Variants in MRTFB observed in about 807,000 individuals in gnomAD.
MRTFB encodes the protein myocardin-related transcription factor B.
A neutral mutation model predicts 104.2 loss-of-function variants in MRTFB; 29 were observed. The ratio of observed to expected loss-of-function variants is 0.28; its 90% CI spans 0.21 to 0.38. MRTFB has a LOEUF of 0.38. Among genes scored for constraint, MRTFB ranks in the 10% least tolerant of loss-of-function variants. MRTFB has a pLI of 1.00. For missense variants in MRTFB, 1,270 were observed against 1,341.6 expected, an observed-to-expected ratio of 0.95 and a Z score of 0.83; for synonymous variants, 535 against 519.5, an observed-to-expected ratio of 1.03 and a Z score of -0.41.
At chr16:14,061,573 T>TG in the MRTFB span, among the ~76,000 whole-genome samples, 1 of 149,568 alleles carries the variant, frequency 6.7e-6, no homozygotes, top group East Asian at 1.9e-4. Flanking sequence ...CATCTTTTTT[T>TG]TTTTTTTTTT....
chr16:14,198,618 GTGAT>G, intron 3 of MRTFB, among the ~76,000 whole-genome samples: 1 of 152,218 alleles, frequency 6.6e-6, no homozygotes, highest in Admixed American at 6.5e-5. Context: ...ACAGTCTACA[GTGAT>G]TATTCCAAAC....
At chr16:14,252,576 C>T (rs1256369984) in intron 15 of MRTFB, 74 bp downstream of exon 15, 2 of 1,495,414 alleles carry the variant, frequency 1.3e-6, no homozygotes, top group African/African-American at 1.4e-5. Context: ...CAGACCTATA[C>T]AGAATCCCTT....
At chr16:14,098,368 A>G (rs1201868069) in intron 2 of MRTFB, among the ~76,000 whole-genome samples, 1 of 152,170 alleles carries the variant, frequency 6.6e-6, no homozygotes, top group Non-Finnish European at 1.5e-5. Flanking sequence ...TTATTTGCCA[A>G]TAGTTGGTAA....
chr16:14,181,297 C>T (rs1021115488), intron 3 of MRTFB, among the ~76,000 whole-genome samples: 5 of 151,636 alleles, frequency 3.3e-5, no homozygotes, highest in East Asian at 3.9e-4. Context: ...ATGTTAAAAG[C>T]GAGAAAAATA....
intron 3 of MRTFB, among the ~76,000 whole-genome samples, chr16:14,156,555 C>T (rs183747677): frequency 2.0e-5 from 3 of 152,234 alleles, no homozygotes; most frequent in Admixed American, 2.0e-4. Context: ...TAGAAGATAC[C>T]GTGCTAGGGC....
the MRTFB span, among the ~76,000 whole-genome samples, chr16:14,058,211 T>A: frequency 2.0e-5 from 3 of 151,944 alleles, no homozygotes; most frequent in Admixed American, 1.3e-4. Flanking sequence ...CATAAGACAA[T>A]GAAGAACTCA....
intron 6 of MRTFB, 54 bp downstream of exon 6, chr16:14,213,674 G>A: frequency 7.8e-7 from 1 of 1,278,592 alleles, no homozygotes; most frequent in African/African-American, 1.5e-5. Context: ...AAAGAAGTGA[G>A]AATTTCCACC....
the MRTFB span, among the ~76,000 whole-genome samples, chr16:14,038,744 G>T: frequency 2.6e-5 from 4 of 152,240 alleles, no homozygotes; most frequent in South Asian, 6.2e-4. Flanking sequence ...TTGGCTGGCT[G>T]GTTCTGGTTC....
chr16:14,005,360 A>G, the MRTFB span, among the ~76,000 whole-genome samples: 4 of 152,122 alleles, frequency 2.6e-5, no homozygotes, highest in African/African-American at 9.7e-5. Context: ...ACACCGTGCA[A>G]AGGAATGTAG....
At chr16:14,258,323 G>T (rs889236313) in intron 16 of MRTFB, among the ~76,000 whole-genome samples, 162 bp downstream of exon 16, 1 of 152,158 alleles carries the variant, frequency 6.6e-6, no homozygotes, top group Non-Finnish European at 1.5e-5. Context: ...GCCATTAAAA[G>T]AACTTATGGC....
At chr16:13,998,871 C>CAA in the MRTFB span, among the ~76,000 whole-genome samples, 329 of 29,678 alleles carry the variant, frequency 0.011, 128 homozygotes, top group Non-Finnish European at 0.019. Flanking sequence ...GACTCTGTTT[C>CAA]AAAAAAAAAA....
At chr16:14,077,929 A>G (rs1274547243) in intron 1 of MRTFB, among the ~76,000 whole-genome samples, 3 of 152,186 alleles carry the variant, frequency 2.0e-5, no homozygotes, top group Non-Finnish European at 2.9e-5. Context: ...CAGCAGGACA[A>G]TTAATGTACC....
intron 8 of MRTFB, among the ~76,000 whole-genome samples, chr16:14,226,025 G>A (rs983656073): frequency 6.6e-6 from 1 of 152,158 alleles, no homozygotes; most frequent in African/African-American, 2.4e-5. Flanking sequence ...TCTTGGCCAT[G>A]CGACAGGCTA....
intron 3 of MRTFB, among the ~76,000 whole-genome samples, chr16:14,156,042 C>G (rs945329731): frequency 2.0e-5 from 3 of 152,204 alleles, no homozygotes; most frequent in Admixed American, 6.5e-5. Flanking sequence ...CCTCCTCTTA[C>G]CCACAGTCTA....
the MRTFB span, among the ~76,000 whole-genome samples, chr16:14,011,768 AG>A: frequency 6.6e-6 from 1 of 152,126 alleles, no homozygotes; most frequent in Non-Finnish European, 1.5e-5. Context: ...ACTACTGGGG[AG>A]GCTGAAGCAG....
chr16:14,120,365 C>CT (rs1193245972), intron 2 of MRTFB, among the ~76,000 whole-genome samples: 1 of 152,112 alleles, frequency 6.6e-6, no homozygotes, highest in African/African-American at 2.4e-5. Context: ...CCTCCGTTCT[C>CT]TAAGTACTTT....
intron 1 of MRTFB, among the ~76,000 whole-genome samples, chr16:14,076,109 G>A (rs1049821632): frequency 1.3e-5 from 2 of 150,326 alleles, no homozygotes; most frequent in African/African-American, 5.0e-5. Flanking sequence ...TACATACTAT[G>A]TGAATATTTT....
At chr16:14,099,248 C>T (rs1409665877) in intron 2 of MRTFB, among the ~76,000 whole-genome samples, 2 of 151,876 alleles carry the variant, frequency 1.3e-5, no homozygotes, top group African/African-American at 2.4e-5. Context: ...TAAAATTTCT[C>T]TAGGCAGTGT....
the MRTFB span, among the ~76,000 whole-genome samples, chr16:14,036,195 A>G: frequency 1.6e-5 from 2 of 124,638 alleles, no homozygotes; most frequent in African/African-American, 3.0e-5. Context: ...AAAATACATT[A>G]TATATAATAT....
Sources: gnomAD v4.1 joint callset for allele counts (sites outside exome capture counted in the v4.1 genomes callset) on GRCh38, gnomAD v4.1.1 for gene constraint, MANE v1.5 for transcripts, NCBI Gene and HGNC (gene_info 2026-07-23, HGNC 2026-07-21) for gene names.